Variants in SEMA6D observed in about 807,000 individuals in gnomAD.
SEMA6D encodes the protein semaphorin-6D.
A neutral mutation model predicts 106.6 loss-of-function variants in SEMA6D; 35 were observed. That is an observed-to-expected ratio of 0.33 (90% confidence interval 0.25 to 0.44). The LOEUF is 0.44. SEMA6D is among the 20% of genes least tolerant of loss of function. The probability of loss-of-function intolerance (pLI) is 1.00; values close to 1 mark genes in which losing one functional copy is unlikely to be tolerated. For synonymous variants in SEMA6D, 499 were observed against 487.7 expected (o/e 1.02, Z -0.31); for missense variants, 1,185 against 1,345.9 (o/e 0.88, Z 1.87).
intron 1 of SEMA6D, among the ~76,000 whole-genome samples, chr15:47,271,851 C>T (rs1179497399): frequency 3.3e-5 from 5 of 152,186 alleles, no homozygotes; most frequent in African/African-American, 1.2e-4. Context: ...CACAGCACTG[C>T]TCTTGCTTTC....
chr15:47,219,758 A>G (rs1490540603), intron 1 of SEMA6D, among the ~76,000 whole-genome samples: 1 of 152,196 alleles, frequency 6.6e-6, no homozygotes, highest in Non-Finnish European at 1.5e-5. Flanking sequence ...AATATCATCC[A>G]TGTATTTAGC....
intron 2 of SEMA6D, among the ~76,000 whole-genome samples, chr15:47,462,057 C>T (rs908645826): frequency 6.6e-6 from 1 of 151,930 alleles, no homozygotes; most frequent in South Asian, 2.1e-4. Flanking sequence ...ATCCTGTTAG[C>T]GTGATTCATT....
intron 3 of SEMA6D, among the ~76,000 whole-genome samples, chr15:47,581,889 A>C (rs769940815): frequency 1.3e-5 from 1 of 74,590 alleles, no homozygotes; most frequent in African/African-American, 4.9e-5. Flanking sequence ...TCTAGGTCTC[A>C]TATCTTTTCT....
intron 2 of SEMA6D, among the ~76,000 whole-genome samples, chr15:47,455,513 T>C (rs943104799): frequency 6.6e-6 from 1 of 151,940 alleles, no homozygotes; most frequent in African/African-American, 2.4e-5. Flanking sequence ...CTGCCTTCCA[T>C]TGATACCTTC....
chr15:47,417,862 C>T lies in SEMA6D; in HGVS notation c.-159+5390C>T, dbSNP rs115707700. Among the ~76,000 whole-genome samples, 161 of 151,616 alleles carry T rather than the reference C, an allele frequency of 1.1e-3. 2 individuals carry two copies. The highest frequency in any genetic ancestry group is 3.7e-3 in the African/African-American group (153 of 41,348). Reference sequence around the variant, plus strand: ...GCAATTCATTCATTGAACAAATTATCGATCACCATGTAGGTATTGCTAGAC... The same window carrying T: ...GCAATTCATTCATTGAACAAATTATTGATCACCATGTAGGTATTGCTAGAC... On this transcript the variant is annotated intron_variant, in intron 2 of 19. Transcript: ENST00000558014.
At chr15:47,612,688 A>G (rs114396632) in intron 4 of SEMA6D, among the ~76,000 whole-genome samples, 1 of 152,332 alleles carries the variant, frequency 6.6e-6, no homozygotes, top group African/African-American at 2.4e-5. Context: ...TTTCTTGTGA[A>G]TGAAGGGTAT....
intron 1 of SEMA6D, among the ~76,000 whole-genome samples, chr15:47,339,451 C>A (rs1858829538): frequency 6.6e-6 from 1 of 152,136 alleles, no homozygotes. Flanking sequence ...AGCCTCTGCA[C>A]ATCTGGTCAC....
intron 1 of SEMA6D, among the ~76,000 whole-genome samples, chr15:47,395,919 A>T (rs577634161): frequency 4.5e-4 from 68 of 152,310 alleles, no homozygotes; most frequent in African/African-American, 1.6e-3. Context: ...TCATATGTCA[A>T]ATTAACTCCC....
chr15:47,642,436 A>C (rs2077505467), intron 4 of SEMA6D, among the ~76,000 whole-genome samples: 1 of 151,888 alleles, frequency 6.6e-6, no homozygotes, highest in Non-Finnish European at 1.5e-5. Context: ...TGACAGAAAC[A>C]GATGCACACA....
chr15:47,721,076 T>G (rs2079395810), intron 1 of SEMA6D, among the ~76,000 whole-genome samples: 1 of 152,240 alleles, frequency 6.6e-6, no homozygotes, highest in Non-Finnish European at 1.5e-5. Flanking sequence ...ATTTATCATT[T>G]GCAAGGAGCT....
At chr15:47,571,845 G>A (rs1025891727) in intron 3 of SEMA6D, among the ~76,000 whole-genome samples, 2 of 152,122 alleles carry the variant, frequency 1.3e-5, no homozygotes, top group Non-Finnish European at 2.9e-5. Context: ...TATGTGTGAT[G>A]TGTGTGTGTA....
At chr15:47,394,772 A>G (rs2040153787) in intron 1 of SEMA6D, among the ~76,000 whole-genome samples, 1 of 152,228 alleles carries the variant, frequency 6.6e-6, no homozygotes, top group Non-Finnish European at 1.5e-5. Flanking sequence ...AATTTGATTT[A>G]AATTAGCTTA....
chr15:47,321,925 G>T (rs1476417231), intron 1 of SEMA6D, among the ~76,000 whole-genome samples: 2 of 152,098 alleles, frequency 1.3e-5, no homozygotes, highest in Non-Finnish European at 2.9e-5. Flanking sequence ...ACAGTGGGGG[G>T]CACTATCAGT....
At chr15:47,420,261 A>G (rs1450479275) in intron 2 of SEMA6D, among the ~76,000 whole-genome samples, 1 of 152,056 alleles carries the variant, frequency 6.6e-6, no homozygotes, top group Non-Finnish European at 1.5e-5. Flanking sequence ...ACAGTAGAAC[A>G]TTGTATTATT....
At chr15:47,306,366 A>G (rs1460526491) in intron 1 of SEMA6D, among the ~76,000 whole-genome samples, 2 of 152,174 alleles carry the variant, frequency 1.3e-5, no homozygotes, top group African/African-American at 4.8e-5. Flanking sequence ...TAATGTTTTA[A>G]TTACAGAATT....
chr15:47,709,171 G>A (rs1457645615), intron 4 of SEMA6D, among the ~76,000 whole-genome samples: 1 of 152,010 alleles, frequency 6.6e-6, no homozygotes, highest in Non-Finnish European at 1.5e-5. Context: ...TGTCACCCTA[G>A]GATGAGAGAG....
At chr15:47,547,653 C>T (rs977023387) in intron 3 of SEMA6D, among the ~76,000 whole-genome samples, 1 of 152,078 alleles carries the variant, frequency 6.6e-6, no homozygotes, top group African/African-American at 2.4e-5. Context: ...TTGTTATCTG[C>T]ACTTGAAAAT....
intron 4 of SEMA6D, among the ~76,000 whole-genome samples, chr15:47,628,728 T>C (rs1433927730): frequency 6.6e-6 from 1 of 152,114 alleles, no homozygotes; most frequent in African/African-American, 2.4e-5. Context: ...CAAGGTCTTT[T>C]GCAGAGCAAA....
At chr15:47,500,590 T>G (rs766869719) in intron 3 of SEMA6D, among the ~76,000 whole-genome samples, 1 of 152,170 alleles carries the variant, frequency 6.6e-6, no homozygotes, top group Non-Finnish European at 1.5e-5. Flanking sequence ...TTAGCAGTTA[T>G]TAGAATTGCT....
Sources: allele counts gnomAD v4.1 joint callset (sites outside exome capture counted in the v4.1 genomes callset), GRCh38; gene constraint gnomAD v4.1.1; transcripts MANE v1.5; gene names NCBI Gene and HGNC (gene_info 2026-07-23, HGNC 2026-07-21).